The following TEK variants were observed in gnomAD, a reference collection of about 807,000 sequenced individuals.
TEK encodes TEK receptor tyrosine kinase.
Under a neutral mutation model 131.8 loss-of-function variants are expected in TEK, and 43 were observed. The ratio of observed to expected loss-of-function variants is 0.33; its 90% CI spans 0.26 to 0.42. The LOEUF is 0.42. TEK is among the 10% of genes least tolerant of loss of function. The pLI is 1.00. For synonymous variants in TEK, 580 were observed against 491.6 expected (o/e 1.18, Z -2.38); for missense variants, 1,162 against 1,384.4 (o/e 0.84, Z 2.55).
At chr9:27,180,934 A>G (rs1824345821) in intron 7 of TEK, among the ~76,000 whole-genome samples, 1 of 152,192 alleles carries the variant, frequency 6.6e-6, no homozygotes. Context: ...TAAAATGTAA[A>G]TTCAGTGGTT....
At chr9:27,217,471 C>A (rs1028016971) in intron 18 of TEK, among the ~76,000 whole-genome samples, 1 of 152,166 alleles carries the variant, frequency 6.6e-6, no homozygotes, top group Non-Finnish European at 1.5e-5. Context: ...ACTCACACTT[C>A]CATTCATATA....
intron 1 of TEK, among the ~76,000 whole-genome samples, chr9:27,140,564 C>T (rs749615042): frequency 3.3e-5 from 5 of 151,948 alleles, no homozygotes; most frequent in East Asian, 1.9e-4. Context: ...TTTGTAACCT[C>T]GACTCCTATA....
At chr9:27,149,933 C>A (rs1424948569) in intron 1 of TEK, among the ~76,000 whole-genome samples, 1 of 152,128 alleles carries the variant, frequency 6.6e-6, no homozygotes, top group Non-Finnish European at 1.5e-5. Context: ...CATCCCACTC[C>A]TGAGACAAAG....
intron 9 of TEK, among the ~76,000 whole-genome samples, chr9:27,189,557 A>C (rs1824729310): frequency 6.6e-6 from 1 of 152,162 alleles, no homozygotes; most frequent in Admixed American, 6.5e-5. Flanking sequence ...GAGTGGACCC[A>C]TTCCAATCCC....
intron 4 of TEK, among the ~76,000 whole-genome samples, chr9:27,172,289 C>T (rs888995197): frequency 6.6e-6 from 1 of 152,166 alleles, no homozygotes; most frequent in African/African-American, 2.4e-5. Flanking sequence ...TTGTCTTTGC[C>T]TGGAAGACAC....
intron 1 of TEK, among the ~76,000 whole-genome samples, chr9:27,136,380 C>T (rs1210342415): frequency 1.3e-5 from 2 of 152,080 alleles, no homozygotes; most frequent in Non-Finnish European, 2.9e-5. Context: ...GCGCCGGTCC[C>T]TACTTACATT....
At chr9:27,136,663 CAAA>C (rs1822456770) in intron 1 of TEK, among the ~76,000 whole-genome samples, 1 of 152,226 alleles carries the variant, frequency 6.6e-6, no homozygotes, top group South Asian at 2.1e-4. Context: ...CGACTGGAGA[CAAA>C]GAAGCAGTTT....
chr9:27,226,523 T>A (rs978912776), intron 21 of TEK, among the ~76,000 whole-genome samples: 9 of 151,432 alleles, frequency 5.9e-5, no homozygotes, highest in Non-Finnish European at 1.5e-5. Flanking sequence ...TAAGTTGGAG[T>A]TTAAGGATGA....
At chr9:27,161,564 A>G (rs975107514) in intron 2 of TEK, among the ~76,000 whole-genome samples, 19 of 152,238 alleles carry the variant, frequency 1.2e-4, no homozygotes, top group Non-Finnish European at 2.6e-4. Context: ...CAGAGCCAGT[A>G]TTTATTACCA....
At chr9:27,162,883 T>G (rs2131130133) in intron 2 of TEK, among the ~76,000 whole-genome samples, 1 of 152,138 alleles carries the variant, frequency 6.6e-6, no homozygotes, top group South Asian at 2.1e-4. Context: ...GCCCAGCTTG[T>G]TTTCGTATTT....
chr9:27,205,739 G>T (rs1254593666), intron 14 of TEK, among the ~76,000 whole-genome samples: 1 of 152,116 alleles, frequency 6.6e-6, no homozygotes, highest in Admixed American at 6.5e-5. Flanking sequence ...GCCTGAAAAT[G>T]TATCTAGTTT....
At chr9:27,190,852 G>T (rs1283927665) in intron 10 of TEK, among the ~76,000 whole-genome samples, 162 bp downstream of exon 10, 1 of 152,124 alleles carries the variant, frequency 6.6e-6, no homozygotes, top group Non-Finnish European at 1.5e-5. Flanking sequence ...GAGTGCAGGG[G>T]GCCCCTGAGC....
intron 19 of TEK, among the ~76,000 whole-genome samples, chr9:27,218,537 T>G (rs1169511906): frequency 4.6e-5 from 7 of 152,080 alleles, no homozygotes; most frequent in Non-Finnish European, 1.0e-4. Context: ...AGTACCACCT[T>G]GTAGTCTCTA....
chr9:27,156,741 T>C, intron 1 of TEK, among the ~76,000 whole-genome samples: 1 of 152,184 alleles, frequency 6.6e-6, no homozygotes, highest in East Asian at 1.9e-4. Flanking sequence ...ATTTAATGGG[T>C]ATTCAATAAG....
At chr9:27,220,726 A>G (rs777278012) in intron 21 of TEK, among the ~76,000 whole-genome samples, 14 of 152,206 alleles carry the variant, frequency 9.2e-5, no homozygotes, top group Non-Finnish European at 1.3e-4. Context: ...GGACGGTGCC[A>G]TGACGAATGG....
At chr9:27,180,663 G>A (rs1824332186) in intron 7 of TEK, among the ~76,000 whole-genome samples, 1 of 152,116 alleles carries the variant, frequency 6.6e-6, no homozygotes, top group Non-Finnish European at 1.5e-5. Context: ...CCTTCTCTAG[G>A]ACCAACCTTT....
chr9:27,115,523 G>A (rs1005016770), intron 1 of TEK, among the ~76,000 whole-genome samples: 11 of 151,738 alleles, frequency 7.2e-5, no homozygotes, highest in East Asian at 3.9e-4. Context: ...ACAAACAAAC[G>A]AAACTAAATT....
intron 1 of TEK, among the ~76,000 whole-genome samples, chr9:27,149,488 A>T (rs1823046786): frequency 6.6e-6 from 1 of 152,206 alleles, no homozygotes; most frequent in Non-Finnish European, 1.5e-5. Flanking sequence ...TACATGGTAT[A>T]ATCTCAGGCC....
chr9:27,173,104 C>G (rs1824026622), intron 5 of TEK, 118 bp from the exon 6 acceptor site: 1 of 1,365,282 alleles, frequency 7.3e-7, no homozygotes. Context: ...TACCATGCCA[C>G]AGCTGAGATT....
Sources: allele counts gnomAD v4.1 joint callset (sites outside exome capture counted in the v4.1 genomes callset), GRCh38; gene constraint gnomAD v4.1.1; transcripts MANE v1.5; gene names NCBI Gene and HGNC (gene_info 2026-07-23, HGNC 2026-07-21).